The following FANCB variants were observed in gnomAD, a reference collection of about 807,000 sequenced individuals.
FANCB encodes FA complementation group B, also known as Fanconi anemia group B protein.
In FANCB, 5 loss-of-function variants were observed where a neutral mutation model predicts 38.9. The observed-to-expected ratio is 0.13, with a 90% CI of 0.07 to 0.27. The LOEUF (loss-of-function observed/expected upper bound fraction) is 0.27, where lower values mean the gene tolerates loss of function less well. FANCB is among the 10% of genes least tolerant of loss of function. The pLI, the probability that FANCB is intolerant of heterozygous loss-of-function variation, is 1.00. For missense variants in FANCB, 573 were observed against 602.7 expected (o/e 0.95, Z 0.52); for synonymous variants, 236 against 215.4 (o/e 1.10, Z -0.84).
chrX:14,826,789 T>C, the FANCB span, among the ~76,000 whole-genome samples: 1 of 112,472 alleles, frequency 8.9e-6, no homozygotes, highest in African/African-American at 3.2e-5. Context: ...TGGCTTTTTG[T>C]ATGTGACTGA....
chrX:14,691,312 TGTGTGTGTGTGTGC>T, the FANCB span, among the ~76,000 whole-genome samples: 35 of 79,735 alleles, frequency 4.4e-4, no homozygotes, highest in African/African-American at 1.6e-3. Flanking sequence ...TGTGTGTGTG[TGTGTGTGTGTGTGC>T]GCGCGTGCGT....
At chrX:14,772,017 G>A in the FANCB span, among the ~76,000 whole-genome samples, 1 of 109,738 alleles carries the variant, frequency 9.1e-6, no homozygotes, top group East Asian at 2.9e-4. Context: ...CCTGTTGCTG[G>A]CCCCCACATA....
chrX:14,845,595 A>T (rs1240494233), intron 7 of FANCB, among the ~76,000 whole-genome samples: 1 of 111,318 alleles, frequency 9.0e-6, no homozygotes. Context: ...TAAGACAAAA[A>T]TTTTTTTAAG....
chrX:14,773,491 G>T, the FANCB span, among the ~76,000 whole-genome samples: 2 of 111,499 alleles, frequency 1.8e-5, no homozygotes, highest in East Asian at 5.6e-4. Context: ...TCATAAAGCA[G>T]TTTAGCTGAC....
At chrX:14,775,572 G>A in the FANCB span, among the ~76,000 whole-genome samples, 1 of 111,423 alleles carries the variant, frequency 9.0e-6, no homozygotes, top group Admixed American at 9.5e-5. Flanking sequence ...TTGAGCTTAT[G>A]CTGTGTCACC....
the FANCB span, among the ~76,000 whole-genome samples, chrX:14,718,507 G>C: frequency 8.9e-6 from 1 of 112,043 alleles, no homozygotes; most frequent in African/African-American, 3.2e-5. Flanking sequence ...ATCTTACTAT[G>C]CTCAGGAATT....
intron 7 of FANCB, among the ~76,000 whole-genome samples, chrX:14,847,147 G>A: frequency 9.0e-6 from 1 of 110,670 alleles, no homozygotes; most frequent in East Asian, 2.8e-4. Flanking sequence ...TTAGCAATGA[G>A]TTGATAATTA....
At chrX:14,705,316 T>C in the FANCB span, among the ~76,000 whole-genome samples, 1 of 111,600 alleles carries the variant, frequency 9.0e-6, no homozygotes, top group African/African-American at 3.3e-5. Flanking sequence ...CCAGGAGCTA[T>C]TTTTCCCCAC....
intron 3 of FANCB, among the ~76,000 whole-genome samples, chrX:14,861,261 A>G: frequency 8.9e-6 from 1 of 111,988 alleles, no homozygotes; most frequent in Non-Finnish European, 1.9e-5. Flanking sequence ...CAAGAGAGAA[A>G]GCCTAAGAAG....
At chrX:14,796,197 T>A in the FANCB span, among the ~76,000 whole-genome samples, 1 of 110,248 alleles carries the variant, frequency 9.1e-6, no homozygotes, top group African/African-American at 3.3e-5. Flanking sequence ...AATTTAGAAG[T>A]AGCTTAGCTG....
At chrX:14,693,035 A>G in the FANCB span, among the ~76,000 whole-genome samples, 2 of 99,101 alleles carry the variant, frequency 2.0e-5, no homozygotes, top group African/African-American at 3.6e-5. Context: ...TAAAACTTAA[A>G]GTATAATAAC....
the FANCB span, among the ~76,000 whole-genome samples, chrX:14,795,961 G>C: frequency 8.9e-6 from 1 of 111,785 alleles, no homozygotes; most frequent in African/African-American, 3.3e-5. Flanking sequence ...ACATTTGATA[G>C]GTGCCTTATA....
the FANCB span, among the ~76,000 whole-genome samples, chrX:14,787,143 T>A: frequency 9.0e-6 from 1 of 111,118 alleles, no homozygotes; most frequent in Non-Finnish European, 1.9e-5. Flanking sequence ...AAAATTTCCA[T>A]TTTCCTCATT....
the FANCB span, among the ~76,000 whole-genome samples, chrX:14,744,699 T>C: frequency 4.5e-5 from 5 of 111,974 alleles, no homozygotes; most frequent in Non-Finnish European, 3.8e-5. Context: ...TTTCTGAAAA[T>C]AGAAGATTAA....
At chrX:14,809,932 C>T in the FANCB span, among the ~76,000 whole-genome samples, 1 of 112,129 alleles carries the variant, frequency 8.9e-6, no homozygotes, top group Non-Finnish European at 1.9e-5. Context: ...GAGGCACCCC[C>T]CAGTAGGGGC....
the FANCB span, among the ~76,000 whole-genome samples, chrX:14,758,005 T>G: frequency 9.0e-6 from 1 of 111,361 alleles, no homozygotes. Flanking sequence ...ATAAACTAGG[T>G]GCTGTTGGGG....
At chrX:14,743,022 C>G in the FANCB span, among the ~76,000 whole-genome samples, 2 of 112,709 alleles carry the variant, frequency 1.8e-5, no homozygotes, top group African/African-American at 6.4e-5. Context: ...TCAGTTTATT[C>G]TGTAAAATGG....
chrX:14,868,331 A>G (rs1178560334), intron 2 of FANCB, among the ~76,000 whole-genome samples: 1 of 111,971 alleles, frequency 8.9e-6, no homozygotes, highest in Non-Finnish European at 1.9e-5. Flanking sequence ...TCAATGGATT[A>G]AAAAATTTGG....
the FANCB span, among the ~76,000 whole-genome samples, chrX:14,714,614 C>G: frequency 5.4e-5 from 6 of 111,524 alleles, no homozygotes; most frequent in Non-Finnish European, 1.1e-4. Context: ...TCTCCCCTGC[C>G]CATACATTTT....
Sources: allele counts gnomAD v4.1 joint callset (sites outside exome capture counted in the v4.1 genomes callset), GRCh38; gene constraint gnomAD v4.1.1; transcripts MANE v1.5; gene names NCBI Gene and HGNC (gene_info 2026-07-23, HGNC 2026-07-21).